The following SHLD2 variants were observed in gnomAD, a reference collection of about 807,000 sequenced individuals.
The protein encoded by SHLD2 is RINN1-REV7-interacting novel NHEJ regulator 2.
In SHLD2, 30 loss-of-function variants were observed where a neutral mutation model predicts 73.2. That is an observed-to-expected ratio of 0.41 (90% CI 0.31 to 0.56). The LOEUF is 0.56. Ranked by LOEUF, SHLD2 falls within the 20% of genes least tolerant of loss-of-function variation. The pLI, the probability that SHLD2 is intolerant of heterozygous loss-of-function variation, is 0.28. For missense variants in SHLD2, 745 were observed against 1,055.9 expected, an observed-to-expected ratio of 0.71 and a Z score of 4.08; for synonymous variants, 285 against 370.1, an observed-to-expected ratio of 0.77 and a Z score of 2.64.
At chr10:87,107,094 C>CAAAAAAAAAAA (rs1554827009) in intron 2 of SHLD2, among the ~76,000 whole-genome samples, 1 of 110,522 alleles carries the variant, frequency 9.0e-6, no homozygotes, top group Non-Finnish European at 1.9e-5. Flanking sequence ...CAATAATTGG[C>CAAAAAAAAAAA]AAAAAAAAAA....
intron 4 of SHLD2, among the ~76,000 whole-genome samples, chr10:87,164,811 C>A (rs919229919): frequency 6.6e-6 from 1 of 152,164 alleles, no homozygotes; most frequent in Admixed American, 6.5e-5. Context: ...ATATGTATTT[C>A]ATTAACTAAC....
intron 8 of SHLD2, among the ~76,000 whole-genome samples, chr10:87,185,591 C>A (rs932975283): frequency 6.6e-6 from 1 of 152,092 alleles, no homozygotes; most frequent in Non-Finnish European, 1.5e-5. Flanking sequence ...TTCTGTATTT[C>A]TTTTTGTTGC....
At chr10:87,162,442 A>G (rs1035222988) in intron 4 of SHLD2, among the ~76,000 whole-genome samples, 3 of 152,184 alleles carry the variant, frequency 2.0e-5, no homozygotes, top group African/African-American at 7.2e-5. Flanking sequence ...ACTGGTAATC[A>G]TAGCATTTTG....
chr10:87,094,565 T>A, upstream of SHLD2: 1 of 1,611,954 alleles, frequency 6.2e-7, no homozygotes, highest in Non-Finnish European at 8.5e-7. The surrounding 1 kb of genome is among the most constrained non-coding windows in gnomAD (Gnocchi z 6.6). Context: ...CCCTCCACCA[T>A]CTTGAAGAAG....
intron 2 of SHLD2, among the ~76,000 whole-genome samples, chr10:87,132,045 C>T (rs1844466463): frequency 1.3e-5 from 2 of 152,078 alleles, no homozygotes; most frequent in African/African-American, 4.8e-5. Flanking sequence ...GTCCTTTGCC[C>T]ACTTTAAATT....
At chr10:87,135,684 A>G (rs938881054) in intron 2 of SHLD2, among the ~76,000 whole-genome samples, 1 of 144,420 alleles carries the variant, frequency 6.9e-6, no homozygotes, top group African/African-American at 2.6e-5. Flanking sequence ...TTTTTTTAAT[A>G]GAGACAGAGT....
In SHLD2 at chr10:87,152,338, C is replaced by T; in HGVS notation, c.984C>T (p.Asn328=). 7.0e-7 allele frequency: 1 copy of T among 1,435,180 alleles called. No individual in the cohort carries two copies. Among genetic ancestry groups the T allele is most frequent in the Non-Finnish European group, 9.5e-7 (1 of 1,050,788 alleles). The allele number at this position is 1,435,180 out of a possible 1,614,324, so 88.9% of individuals were successfully genotyped here. The change falls in exon 3 of 10, where the codon AAC becomes AAT. Residue 328 remains asparagine, a synonymous_variant. Coordinates refer to ENST00000298786, the MANE Select transcript of SHLD2 (RefSeq NM_001330112.2). The stretch of plus-strand genomic sequence containing the variant: ...CAGAAAATAGCCGCATTCACATAAA[C>T]TCTGATAAAGGTCTTGAAGAACATA... ...PKTENSRIHI[N]SDKGLEEHTG...
intron 4 of SHLD2, among the ~76,000 whole-genome samples, chr10:87,162,364 G>A (rs187235859): frequency 0.14 from 22,002 of 151,980 alleles, 1,630 homozygotes; most frequent in South Asian, 0.17. Flanking sequence ...TACAACAAAA[G>A]GCTAATATCC....
chr10:87,095,890 C>T (rs1841829435), intron 1 of SHLD2, among the ~76,000 whole-genome samples: 2 of 152,148 alleles, frequency 1.3e-5, no homozygotes, highest in Admixed American at 1.3e-4. Context: ...ACGATAGCTC[C>T]ACTGCACCCC....
At chr10:87,130,284 A>G (rs1253259187) in intron 2 of SHLD2, among the ~76,000 whole-genome samples, 1 of 131,414 alleles carries the variant, frequency 7.6e-6, no homozygotes, top group Non-Finnish European at 1.6e-5. Flanking sequence ...TTTTCTGAAA[A>G]GGGAGAGGTC....
At chr10:87,168,497 G>A (rs1342907900) in intron 4 of SHLD2, among the ~76,000 whole-genome samples, 1 of 151,158 alleles carries the variant, frequency 6.6e-6, no homozygotes. Flanking sequence ...TATTTGGGAG[G>A]CTGAAGTGGG....
chr10:87,134,232 C>T (rs1339899664), intron 2 of SHLD2, among the ~76,000 whole-genome samples: 1 of 152,046 alleles, frequency 6.6e-6, no homozygotes, highest in Non-Finnish European at 1.5e-5. Context: ...CCTATAAAAG[C>T]AGGATAAGAA....
intron 2 of SHLD2, among the ~76,000 whole-genome samples, chr10:87,148,620 G>A (rs1290801011): frequency 1.3e-5 from 2 of 151,088 alleles, no homozygotes; most frequent in Non-Finnish European, 2.9e-5. Flanking sequence ...GTATGTATCT[G>A]TAGTCCCAGC....
At chr10:87,113,412 C>G (rs1435075276) in intron 2 of SHLD2, among the ~76,000 whole-genome samples, 2 of 152,190 alleles carry the variant, frequency 1.3e-5, no homozygotes, top group Non-Finnish European at 2.9e-5. Flanking sequence ...CAGATTCATG[C>G]TGCAACATGG....
At chr10:87,144,349 G>A (rs1442021154) in intron 2 of SHLD2, among the ~76,000 whole-genome samples, 1 of 152,228 alleles carries the variant, frequency 6.6e-6, no homozygotes, top group Non-Finnish European at 1.5e-5. Context: ...TTGTTGATGA[G>A]AATGTGATTA....
chr10:87,185,507 T>C (rs1483093067), intron 8 of SHLD2, among the ~76,000 whole-genome samples: 1 of 152,214 alleles, frequency 6.6e-6, no homozygotes, highest in African/African-American at 2.4e-5. Flanking sequence ...TTTTCCAAAA[T>C]TGCTGCACAA....
chr10:87,118,082 T>G (rs1253489625), intron 2 of SHLD2, among the ~76,000 whole-genome samples: 1 of 152,194 alleles, frequency 6.6e-6, no homozygotes, highest in Admixed American at 6.5e-5. Context: ...GGCTCCCACG[T>G]GCATTATTGT....
In SHLD2 at chr10:87,096,975, G is replaced by T. The variant is rs1841942026; in HGVS notation, c.-20G>T. 6.6e-6 allele frequency: 1 copy of T among 152,102 alleles called. No individual in the cohort carries two copies. Among genetic ancestry groups the T allele is most frequent in the Non-Finnish European group, 1.5e-5 (1 of 68,034 alleles). 9.4% of individuals were successfully genotyped at this position (152,102 alleles called of 1,614,324 possible). ...ACCTGAATCCTGAATTTTCCTTGAT[G>T]GTCAAAAGATTAAGGTATCAAATTT... On this transcript the variant is annotated 5_prime_UTR_variant, in exon 2 of 10. It removes an upstream start codon present in the reference 5' UTR. Coordinates refer to ENST00000298786, the MANE Select transcript of SHLD2 (RefSeq NM_001330112.2).
At chr10:87,143,826 T>C (rs1281147285) in intron 2 of SHLD2, among the ~76,000 whole-genome samples, 1 of 151,360 alleles carries the variant, frequency 6.6e-6, no homozygotes. Flanking sequence ...TCTGGGCAAA[T>C]CAGAAGGCAT....
Sources: allele counts gnomAD v4.1 joint callset (sites outside exome capture counted in the v4.1 genomes callset), GRCh38; gene constraint gnomAD v4.1.1; non-coding constraint Gnocchi (gnomAD v3.1); transcripts MANE v1.5; gene names NCBI Gene and HGNC (gene_info 2026-07-23, HGNC 2026-07-21).